The following ROBO2 variants were observed in gnomAD, a reference collection of about 807,000 sequenced individuals.
ROBO2 encodes the protein roundabout homolog 2.
ROBO2 carries 53 observed loss-of-function variants against 160.8 expected under a neutral mutation model. The observed-to-expected ratio is 0.33, with a 90% CI of 0.26 to 0.41. The LOEUF is 0.41. Among genes scored for constraint, ROBO2 ranks in the 10% least tolerant of loss-of-function variants. The pLI, the probability that ROBO2 is intolerant of heterozygous loss-of-function variation, is 1.00. For missense variants in ROBO2, 1,577 were observed against 1,722.4 expected, an observed-to-expected ratio of 0.92 and a Z score of 1.49; for synonymous variants, 664 against 611.7, an observed-to-expected ratio of 1.09 and a Z score of -1.26.
chr3:77,106,319 A>C (rs1264729988), intron 2 of ROBO2, among the ~76,000 whole-genome samples: 1 of 152,232 alleles, frequency 6.6e-6, no homozygotes. Context: ...CTGGGATTAC[A>C]GGTGTGAGCC....
rs76881763 is a variant in ROBO2, at chr3:77,492,688, T to C, written c.668-556T>C. 4.6e-3 allele frequency among the ~76,000 whole-genome samples: 694 copies of C among 152,284 alleles called. 3 individuals are homozygous for C. The highest frequency in any genetic ancestry group is 0.015 in the African/African-American group (621 of 41,576). On this transcript the variant is annotated intron_variant, in intron 4 of 25. Transcript: ENST00000461745. ...AGAAAAAAAATCAGGTAGACATCTT[T>C]CCATACATGAAGTTAAAATAATCAT...
At chr3:77,260,770 G>A (rs1385944603) in intron 2 of ROBO2, among the ~76,000 whole-genome samples, 1 of 152,048 alleles carries the variant, frequency 6.6e-6, no homozygotes, top group Admixed American at 6.5e-5. Flanking sequence ...CCTGATCATC[G>A]AGCCCCCGAA....
At chr3:77,353,149 A>G (rs1166204922) in intron 2 of ROBO2, among the ~76,000 whole-genome samples, 1 of 152,080 alleles carries the variant, frequency 6.6e-6, no homozygotes, top group Non-Finnish European at 1.5e-5. Context: ...AACCCCCTTT[A>G]TGAACCTGGT....
chr3:77,191,193 T>C (rs1045662956), intron 2 of ROBO2, among the ~76,000 whole-genome samples: 1 of 152,166 alleles, frequency 6.6e-6, no homozygotes, highest in Non-Finnish European at 1.5e-5. Context: ...AATGACTTAC[T>C]GGGTGACAGA....
rs189582815 is a variant in ROBO2, at chr3:76,046,510, G to A, written c.109+108908G>A. 5.4e-4 allele frequency among the ~76,000 whole-genome samples: 82 copies of A among 151,084 alleles called. No individual in the cohort carries two copies. In the East Asian group the frequency reaches 0.014, roughly 26 times the overall value. ...TAAAAATACAAAAAATTAGCCGGGC[G>A]TGGTGGCAGCGCCTGCAGTCCCAGC... On this transcript the variant is annotated intron_variant, in intron 2 of 26. Transcript: ENST00000487694.
chr3:76,650,165 TA>T (rs2091185623), intron 2 of ROBO2, among the ~76,000 whole-genome samples: 2 of 151,486 alleles, frequency 1.3e-5, no homozygotes, highest in East Asian at 3.9e-4. Flanking sequence ...ATAAACAAGC[TA>T]GGAATAAAGA....
chr3:76,993,190 C>T (rs1464518628), intron 2 of ROBO2, among the ~76,000 whole-genome samples: 1 of 151,556 alleles, frequency 6.6e-6, no homozygotes, highest in African/African-American at 2.4e-5. Flanking sequence ...GATTTCAAAG[C>T]TTCTGACTTA....
At chr3:76,006,697 A>G (rs748125418) in intron 2 of ROBO2, among the ~76,000 whole-genome samples, 12 of 152,128 alleles carry the variant, frequency 7.9e-5, no homozygotes, top group Non-Finnish European at 1.2e-4. Context: ...TGCCTGAAAT[A>G]TAGTAGGTGC....
intron 2 of ROBO2, among the ~76,000 whole-genome samples, chr3:77,335,271 C>G (rs2153446741): frequency 6.6e-6 from 1 of 152,174 alleles, no homozygotes; most frequent in South Asian, 2.1e-4. Context: ...GCCGGGCACG[C>G]TGATGCATAC....
At position 76,287,300 on chromosome 3, in the gene ROBO2, C is replaced by CTTT. The variant is rs34290531; in HGVS notation, c.109+349709_109+349711dup. Among the ~76,000 whole-genome samples, 19 of 142,046 alleles carry CTTT rather than the reference C, an allele frequency of 1.3e-4. No homozygotes were observed. The East Asian group carries it at 3.5e-3, about 26-fold the overall frequency. 93.2% of individuals were successfully genotyped at this position (142,046 alleles called of 152,430 possible). On this transcript the variant is annotated intron_variant, in intron 2 of 26. Transcript: ENST00000487694. ...TTCCTTTCTTTCTTTTTTTTCTTTTCTTTTTTTTTTTTTGAGACAGAGTCT... is the reference window on the plus strand; with the variant it reads ...TTCCTTTCTTTCTTTTTTTTCTTTTCTTTTTTTTTTTTTTTTGAGACAGAGTCT...
intron 1 of ROBO2, among the ~76,000 whole-genome samples, chr3:77,055,298 A>T (rs1315294988): frequency 6.6e-6 from 1 of 152,128 alleles, no homozygotes; most frequent in African/African-American, 2.4e-5. Context: ...GTCTATATAA[A>T]ATCCATTCTA....
chr3:76,441,838 G>A (rs2109126249), intron 2 of ROBO2, among the ~76,000 whole-genome samples: 1 of 152,326 alleles, frequency 6.6e-6, no homozygotes, highest in Admixed American at 6.5e-5. Context: ...GCAGCTGCTA[G>A]GCTGGCTTTG....
chr3:75,954,905 C>T (rs1948671399), intron 2 of ROBO2, among the ~76,000 whole-genome samples: 1 of 151,782 alleles, frequency 6.6e-6, no homozygotes, highest in Admixed American at 6.6e-5. Flanking sequence ...AAATACATGA[C>T]TTTTCAAAAG....
intron 2 of ROBO2, among the ~76,000 whole-genome samples, chr3:77,260,429 ATGAGT>A (rs958687078): frequency 5.9e-5 from 9 of 152,074 alleles, no homozygotes; most frequent in African/African-American, 2.2e-4. Flanking sequence ...TTAGCAATCA[ATGAGT>A]TGAGTTATTT....
At chr3:77,583,792 A>AT (rs1245178809) in intron 16 of ROBO2, among the ~76,000 whole-genome samples, 1 of 152,130 alleles carries the variant, frequency 6.6e-6, no homozygotes, top group Admixed American at 6.5e-5. Flanking sequence ...CTTTTGAAGC[A>AT]TGTTTGTGTC....
At chr3:76,276,478 C>A (rs1476845912) in intron 2 of ROBO2, among the ~76,000 whole-genome samples, 1 of 152,008 alleles carries the variant, frequency 6.6e-6, no homozygotes, top group African/African-American at 2.4e-5. Context: ...TCAAACTGAG[C>A]TGGTTTACAG....
chr3:76,442,885 T>C (rs996320096), intron 2 of ROBO2, among the ~76,000 whole-genome samples: 1 of 152,202 alleles, frequency 6.6e-6, no homozygotes, highest in East Asian at 1.9e-4. Context: ...CTCTCCACTA[T>C]GCCTAATTTA....
chr3:77,517,097 T>G (rs746565464), intron 5 of ROBO2, among the ~76,000 whole-genome samples: 10 of 151,626 alleles, frequency 6.6e-5, no homozygotes, highest in Non-Finnish European at 1.0e-4. Context: ...TAAAGATATG[T>G]GCTTTGAAGA....
chr3:76,068,915 A>G (rs1449757972), intron 2 of ROBO2, among the ~76,000 whole-genome samples: 1 of 152,184 alleles, frequency 6.6e-6, no homozygotes, highest in Non-Finnish European at 1.5e-5. Context: ...CCAGGACACA[A>G]TATTGTCAAT....
Sources: allele counts gnomAD v4.1 joint callset (sites outside exome capture counted in the v4.1 genomes callset), GRCh38; gene constraint gnomAD v4.1.1; transcripts MANE v1.5; gene names NCBI Gene and HGNC (gene_info 2026-07-23, HGNC 2026-07-21).